HERC1: variants seen among roughly 807,000 people sequenced by gnomAD.
HERC1 encodes probable E3 ubiquitin-protein ligase HERC1.
Under a neutral mutation model 554.3 loss-of-function variants are expected in HERC1, and 160 were observed. The observed-to-expected ratio is 0.29, with a 90% CI of 0.25 to 0.33. HERC1 has a LOEUF of 0.33. HERC1 is among the 10% of genes least tolerant of loss of function. The pLI, the probability that HERC1 is intolerant of heterozygous loss-of-function variation, is 1.00. For missense variants in HERC1, 4,919 were observed against 5,918.5 expected (o/e 0.83, Z 5.54); for synonymous variants, 2,175 against 2,131.7 (o/e 1.02, Z -0.56).
In HERC1 at chr15:63,718,314, A is replaced by G. The variant is rs192749505; in HGVS notation, c.3978+260T>C. The G allele has an allele frequency of 6.4e-5, 22 of 342,508 alleles. No individual in the cohort carries two copies. Among genetic ancestry groups the G allele is most frequent in the Admixed American group, 5.6e-4 (13 of 23,134 alleles). The allele number at this position is 342,508 out of a possible 1,614,324, so 21.2% of individuals were successfully genotyped here. Reference sequence around the variant, plus strand: ...CACAAAGAGAGGAATAATCATTCATATGATTTGAATCATTCAATTTGTTAT... The same window carrying G: ...CACAAAGAGAGGAATAATCATTCATGTGATTTGAATCATTCAATTTGTTAT... On this transcript the variant is annotated intron_variant, in intron 21 of 77. Transcript: ENST00000443617. This position sits in a 1 kb window ranked among gnomAD's most constrained non-coding sequence, Gnocchi z 4.2.
At chr15:63,764,590 T>A (rs765050209) in intron 2 of HERC1, among the ~76,000 whole-genome samples, 14 of 152,140 alleles carry the variant, frequency 9.2e-5, no homozygotes, top group Non-Finnish European at 1.9e-4. Context: ...CCTGACAGAA[T>A]ACAGCCAGCT....
intron 34 of HERC1, among the ~76,000 whole-genome samples, chr15:63,682,107 AAAAG>A (rs1468132599): frequency 2.0e-5 from 3 of 152,162 alleles, no homozygotes; most frequent in African/African-American, 4.8e-5. Context: ...TTGCTGGGGA[AAAAG>A]AAAGAGACGA....
At chr15:63,720,975 A>C (rs62012364) in intron 19 of HERC1, among the ~76,000 whole-genome samples, 21,679 of 152,192 alleles carry the variant, frequency 0.14, 2,084 homozygotes, top group Middle Eastern at 0.22. Context: ...GTCTATGCTT[A>C]CAGTGTATAA....
At chr15:63,696,575 T>G (rs1193472574) in intron 26 of HERC1, among the ~76,000 whole-genome samples, 1 of 152,210 alleles carries the variant, frequency 6.6e-6, no homozygotes, top group Non-Finnish European at 1.5e-5. Context: ...TAGCTTTGGA[T>G]GTAGGAGACA....
intron 25 of HERC1, among the ~76,000 whole-genome samples, chr15:63,704,836 T>TC (rs1056653166): frequency 3.2e-4 from 48 of 151,360 alleles, no homozygotes; most frequent in African/African-American, 1.1e-3. Context: ...CTTCCTGGGT[T>TC]CACACCATTC....
chr15:63,640,532 C>A, intron 60 of HERC1, 87 bp from the exon 61 acceptor site: 2 of 1,118,068 alleles, frequency 1.8e-6, no homozygotes, highest in South Asian at 1.6e-5. Flanking sequence ...AGTCTGGAAT[C>A]ATATTTTTCA....
At chr15:63,750,815 C>A (rs1018273292) in intron 8 of HERC1, among the ~76,000 whole-genome samples, 6 of 152,184 alleles carry the variant, frequency 3.9e-5, no homozygotes, top group South Asian at 2.1e-4. Context: ...GGCCTGTGGT[C>A]CCAGCTACTC....
At position 63,616,422 on chromosome 15, in the gene HERC1, G is replaced by A. The variant is rs1425961499; in HGVS notation, c.13941+8C>T. ...CACCAGTAGAAACATAGACTGGCCA[G>A]GATTTACCTCATGGAAACTCTCCTC... On this transcript the variant is annotated splice_region_variant and intron_variant, in intron 75 of 77. Coordinates refer to ENST00000443617, the MANE Select transcript of HERC1 (RefSeq NM_003922.4). The A allele has an allele frequency of 1.2e-5, 19 of 1,611,470 alleles. 1 individual carries two copies. The South Asian group carries it at 1.4e-4, about 12-fold the overall frequency.
At chr15:63,634,006 A>C in intron 66 of HERC1, 36 bp from the exon 67 acceptor site, 1 of 1,612,578 alleles carries the variant, frequency 6.2e-7, no homozygotes. Flanking sequence ...GGCAAATCAC[A>C]AGACCTAAAA....
chr15:63,729,848 C>A (rs1159279564), intron 14 of HERC1, among the ~76,000 whole-genome samples, 199 bp from the exon 15 acceptor site: 3 of 151,534 alleles, frequency 2.0e-5, no homozygotes, highest in Non-Finnish European at 4.4e-5. Context: ...CATGGTGAAA[C>A]CCTGGTCTCT....
chr15:63,687,083 T>C (rs929790994), intron 33 of HERC1, among the ~76,000 whole-genome samples: 1 of 152,204 alleles, frequency 6.6e-6, no homozygotes. Flanking sequence ...TGTGTCATAT[T>C]GTTTGAATTT....
chr15:63,611,835 A>G (rs2067606531), intron 77 of HERC1, among the ~76,000 whole-genome samples: 1 of 152,238 alleles, frequency 6.6e-6, no homozygotes, highest in Admixed American at 6.5e-5. Context: ...ATTAATAAGC[A>G]TGAATCGGCA....
At position 63,826,960 on chromosome 15, in the gene HERC1, T is replaced by C. The variant is rs1238600762; in HGVS notation, c.-27+6867A>G. ...ATATCTAACAAAACTACATGTGCAC[T>C]TAACTTTTGAACCAGCAATCACACT... On this transcript the variant is annotated intron_variant, in intron 1 of 77. Transcript: ENST00000443617. Among the ~76,000 whole-genome samples, 3 of 151,212 alleles carry C rather than the reference T, an allele frequency of 2.0e-5. No homozygotes were observed. The East Asian group carries it at 5.8e-4, about 29-fold the overall frequency.
At chr15:63,656,398 T>G (rs200625503) in intron 48 of HERC1, 40 bp from the exon 49 acceptor site, 1 of 1,573,942 alleles carries the variant, frequency 6.4e-7, no homozygotes, top group South Asian at 1.1e-5. Flanking sequence ...ATAAAGAAAA[T>G]GGATTTCTTA....
chr15:63,821,595 G>A lies in HERC1; in HGVS notation c.-27+12232C>T, dbSNP rs1462083288. 2.0e-5 allele frequency among the ~76,000 whole-genome samples: 3 copies of A among 148,266 alleles called. No individual in the cohort carries two copies. The East Asian group carries it at 5.9e-4, about 29-fold the overall frequency. On this transcript the variant is annotated intron_variant, in intron 1 of 77. Coordinates refer to ENST00000443617, the MANE Select transcript of HERC1 (RefSeq NM_003922.4). ...AAAAAATGTAGCAGGGTGTGGTTGT[G>A]CACGCCTGCAGTCACAGCTACCCTG...
chr15:63,748,997 AG>A (rs1181152258), intron 10 of HERC1, among the ~76,000 whole-genome samples: 4 of 151,816 alleles, frequency 2.6e-5, no homozygotes, highest in African/African-American at 9.7e-5. Flanking sequence ...AACCAGATTG[AG>A]AGCACTGAGG....
chr15:63,633,158 C>A (rs1259873966), intron 67 of HERC1, among the ~76,000 whole-genome samples: 5 of 152,240 alleles, frequency 3.3e-5, no homozygotes, highest in African/African-American at 1.2e-4. Flanking sequence ...TTATGGGCGA[C>A]AATAACTGCT....
chr15:63,699,829 T>C (rs1044238144), intron 25 of HERC1, among the ~76,000 whole-genome samples: 2 of 152,216 alleles, frequency 1.3e-5, no homozygotes, highest in Non-Finnish European at 2.9e-5. Flanking sequence ...CATTTGTCAA[T>C]ATTAGCTTTA....
chr15:63,793,171 T>C (rs943293893), intron 1 of HERC1, among the ~76,000 whole-genome samples: 12 of 152,178 alleles, frequency 7.9e-5, no homozygotes, highest in Admixed American at 4.6e-4. Context: ...GAGTAGGGAC[T>C]GTGTAAAATA....
Sources: gnomAD v4.1 joint callset for allele counts (sites outside exome capture counted in the v4.1 genomes callset) on GRCh38, gnomAD v4.1.1 for gene constraint, Gnocchi (gnomAD v3.1) non-coding constraint, MANE v1.5 for transcripts, NCBI Gene and HGNC (gene_info 2026-07-23, HGNC 2026-07-21) for gene names.